The following RSU1 variants were observed in gnomAD, a reference collection of about 807,000 sequenced individuals.
The protein encoded by RSU1 is Ras suppressor protein 1.
RSU1 carries 26 observed loss-of-function variants against 31.1 expected under a neutral mutation model. The ratio of observed to expected loss-of-function variants is 0.84; its 90% CI spans 0.61 to 1.16. The LOEUF (loss-of-function observed/expected upper bound fraction) is 1.16. Among genes scored for constraint, RSU1 ranks in the 50% most tolerant of loss-of-function variants. RSU1 has a pLI of 0.00. For missense variants in RSU1, 320 were observed against 339.1 expected, an observed-to-expected ratio of 0.94 and a Z score of 0.44; for synonymous variants, 164 against 136.3, an observed-to-expected ratio of 1.20 and a Z score of -1.41.
intron 8 of RSU1, among the ~76,000 whole-genome samples, chr10:16,613,118 C>G (rs754201281): frequency 6.6e-6 from 1 of 152,204 alleles, no homozygotes; most frequent in Non-Finnish European, 1.5e-5. Context: ...GCAAACACCA[C>G]TCTGCTTACA....
At chr10:16,725,024 C>G (rs1199108551) in intron 7 of RSU1, among the ~76,000 whole-genome samples, 1 of 152,188 alleles carries the variant, frequency 6.6e-6, no homozygotes. Context: ...GAAGGCCTGC[C>G]TAATGACTGA....
intron 7 of RSU1, among the ~76,000 whole-genome samples, chr10:16,740,092 T>G (rs1428297986): frequency 6.6e-6 from 1 of 152,098 alleles, no homozygotes; most frequent in Non-Finnish European, 1.5e-5. Context: ...AACTATCAAA[T>G]TTTACTCATT....
intron 8 of RSU1, among the ~76,000 whole-genome samples, chr10:16,690,359 A>G (rs1445641621): frequency 6.6e-6 from 1 of 152,208 alleles, no homozygotes; most frequent in African/African-American, 2.4e-5. Context: ...CCGGCAACTC[A>G]GTGACATCAG....
At chr10:16,736,020 G>A (rs7912594) in intron 7 of RSU1, among the ~76,000 whole-genome samples, 2,893 of 152,194 alleles carry the variant, frequency 0.019, 97 homozygotes, top group African/African-American at 0.064. Context: ...TGCAAGAGTG[G>A]ATCAAACAAT....
At chr10:16,783,666 TTTTG>T (rs1837707454) in intron 2 of RSU1, among the ~76,000 whole-genome samples, 1 of 152,134 alleles carries the variant, frequency 6.6e-6, no homozygotes, top group Non-Finnish European at 1.5e-5. Flanking sequence ...ATGTTTTTTT[TTTTG>T]TTTTGTTTTT....
At chr10:16,727,071 G>A (rs901819275) in intron 7 of RSU1, 1 of 456,610 alleles carries the variant, frequency 2.2e-6, no homozygotes, top group Non-Finnish European at 4.4e-6. Context: ...ACTAATTAAT[G>A]TGCATTCCTC....
intron 7 of RSU1, among the ~76,000 whole-genome samples, chr10:16,735,557 C>T (rs749252687): frequency 2.0e-5 from 3 of 152,162 alleles, no homozygotes; most frequent in Admixed American, 2.0e-4. Context: ...CATTCTCACA[C>T]TGCTAATAAA....
intron 3 of RSU1, among the ~76,000 whole-genome samples, chr10:16,773,208 G>GAA (rs565619502): frequency 2.9e-5 from 4 of 137,188 alleles, no homozygotes; most frequent in African/African-American, 1.1e-4. Context: ...CAAAAAAAAA[G>GAA]AAAAAAAAAA....
chr10:16,787,130 G>A (rs1436412820), intron 2 of RSU1, among the ~76,000 whole-genome samples: 1 of 152,100 alleles, frequency 6.6e-6, no homozygotes, highest in Non-Finnish European at 1.5e-5. Flanking sequence ...TTCATAATCT[G>A]GAGACAAAAT....
intron 3 of RSU1, among the ~76,000 whole-genome samples, chr10:16,771,791 T>C (rs753197025): frequency 1.3e-5 from 2 of 152,214 alleles, no homozygotes; most frequent in Non-Finnish European, 2.9e-5. Flanking sequence ...AAGCAGTGAA[T>C]TACGGTAGTT....
intron 8 of RSU1, among the ~76,000 whole-genome samples, chr10:16,599,915 G>A (rs1489566773): frequency 6.6e-6 from 1 of 152,158 alleles, no homozygotes. Flanking sequence ...CTGGCCCAAG[G>A]TCACCCATGG....
At chr10:16,804,539 T>C (rs1838225255) in intron 2 of RSU1, among the ~76,000 whole-genome samples, 1 of 152,246 alleles carries the variant, frequency 6.6e-6, no homozygotes, top group African/African-American at 2.4e-5. Flanking sequence ...GCTTTATTCA[T>C]AATTGTCCAA....
rs983709325 is a variant in RSU1 at position 16,671,754 on chromosome 10, C to T, written c.731+23269G>A. ...AATTCTCCTGCCTCAGCCTCCCAAG[C>T]AGCTGGGGCTACAGGCACATACCAC... is the stretch of plus-strand genomic sequence containing the variant. On this transcript the variant is annotated intron_variant, in intron 8 of 8. Transcript: ENST00000345264. Among the ~76,000 whole-genome samples the T allele has an allele frequency of 2.0e-5, 3 of 151,876 alleles. No individual in the cohort carries two copies. The East Asian group carries it at 5.9e-4, about 30-fold the overall frequency.
intron 8 of RSU1, among the ~76,000 whole-genome samples, chr10:16,652,491 C>T (rs1834704533): frequency 6.6e-6 from 1 of 151,050 alleles, no homozygotes; most frequent in African/African-American, 2.4e-5. Context: ...CGGAATGTTC[C>T]ATACCTAAAC....
At chr10:16,712,670 C>A (rs1239953109) in intron 7 of RSU1, among the ~76,000 whole-genome samples, 1 of 152,008 alleles carries the variant, frequency 6.6e-6, no homozygotes, top group African/African-American at 2.4e-5. Context: ...TATTTGTAGC[C>A]ACTAAGTGTG....
chr10:16,791,092 T>G (rs1242141156), intron 2 of RSU1, among the ~76,000 whole-genome samples: 1 of 152,126 alleles, frequency 6.6e-6, no homozygotes, highest in Non-Finnish European at 1.5e-5. Context: ...AGTGGCATGA[T>G]CTTGGCTCAC....
chr10:16,776,516 C>T (rs938284566), intron 3 of RSU1, among the ~76,000 whole-genome samples: 13 of 149,858 alleles, frequency 8.7e-5, no homozygotes, highest in Non-Finnish European at 1.8e-4. Flanking sequence ...CACATTTTGC[C>T]ATAAAACTTA....
chr10:16,687,205 T>C (rs367566260), intron 8 of RSU1, among the ~76,000 whole-genome samples: 1 of 152,198 alleles, frequency 6.6e-6, no homozygotes, highest in Non-Finnish European at 1.5e-5. Flanking sequence ...TCTTCAGGAA[T>C]ACAGCTAGTC....
chr10:16,787,828 T>C (rs188869276), intron 2 of RSU1, among the ~76,000 whole-genome samples: 233 of 152,372 alleles, frequency 1.5e-3, no homozygotes, highest in Non-Finnish European at 2.9e-3. Flanking sequence ...TGGTATGTCT[T>C]TATTAGCAGT....
Sources: gnomAD v4.1 joint callset for allele counts (sites outside exome capture counted in the v4.1 genomes callset) on GRCh38, gnomAD v4.1.1 for gene constraint, MANE v1.5 for transcripts, NCBI Gene and HGNC (gene_info 2026-07-23, HGNC 2026-07-21) for gene names.